TSACC: variants seen among roughly 807,000 people sequenced by gnomAD.
TSACC encodes TSSK6 activating cochaperone.
A neutral mutation model predicts 6.9 loss-of-function variants in TSACC; 3 were observed. The ratio of observed to expected loss-of-function variants is 0.43; its 90% confidence interval spans 0.20 to 1.12. The LOEUF (loss-of-function observed/expected upper bound fraction) is 1.12, where lower values mean the gene tolerates loss of function less well. Ranked by LOEUF, TSACC falls within the 50% of genes most tolerant of loss-of-function variation. TSACC has a pLI of 0.28. For missense variants in TSACC, 137 were observed against 143.9 expected (o/e 0.95, Z 0.24); for synonymous variants, 54 against 55.1 (o/e 0.98, Z 0.09).
intron 2 of TSACC, 123 bp downstream of exon 2, chr1:156,339,914 T>C: frequency 1.1e-6 from 1 of 948,682 alleles, no homozygotes; most frequent in East Asian, 2.6e-5. Context: ...TAGTAGATGC[T>C]CAGTAATTAT....
chr1:156,338,450 C>T (rs1163923403), upstream of TSACC: 3 of 561,706 alleles, frequency 5.3e-6, no homozygotes, highest in Admixed American at 3.1e-5. Flanking sequence ...TGGGAGGGCA[C>T]AGGCGCTTGC....
chr1:156,343,307 G>A (rs978533662), intron 2 of TSACC, among the ~76,000 whole-genome samples: 3 of 152,142 alleles, frequency 2.0e-5, no homozygotes, highest in African/African-American at 7.2e-5. Context: ...TGCTGAAATA[G>A]CTCACAGAAT....
chr1:156,344,531 A>C, intron 2 of TSACC, 49 bp from the exon 3 acceptor site: 2 of 1,596,512 alleles, frequency 1.3e-6, no homozygotes, highest in Non-Finnish European at 1.7e-6. Context: ...CTAATTAGAA[A>C]GGCTGTCCCT....
At position 156,339,665 on chromosome 1, in the gene TSACC, C is replaced by G; in HGVS notation, c.-93C>G. ...ACAGGCTGAGATCTGCTGGAGACAA[C>G]TTAGGAAATTATCATAGTGAAAATA... On this transcript the variant is annotated 5_prime_UTR_variant, in exon 2 of 4. Coordinates refer to ENST00000368254, the MANE Select transcript of TSACC (RefSeq NM_001304817.2). The G allele has an allele frequency of 6.5e-7, 1 of 1,542,740 alleles. No individual in the cohort carries two copies. Among genetic ancestry groups the G allele is most frequent in the Non-Finnish European group, 8.9e-7 (1 of 1,121,814 alleles).
chr1:156,341,342 TTATC>T (rs1227357241), intron 2 of TSACC, among the ~76,000 whole-genome samples: 2 of 152,204 alleles, frequency 1.3e-5, no homozygotes, highest in South Asian at 2.1e-4. Context: ...GCTACCTACT[TTATC>T]TACATTCCTC....
At chr1:156,338,314 G>T (rs114297274), upstream of TSACC, 2 of 863,082 alleles carry the variant, frequency 2.3e-6, no homozygotes, top group African/African-American at 3.4e-5. Context: ...CTACTCTCAA[G>T]GTAGTCGCCA....
intron 1 of TSACC, 72 bp downstream of exon 1, chr1:156,338,677 T>G (rs1665595488): frequency 6.1e-6 from 1 of 164,034 alleles, no homozygotes; most frequent in Non-Finnish European, 1.3e-5. Context: ...GCTTCACAGT[T>G]CCCACTCTTT....
chr1:156,341,040 C>T (rs552822446), intron 2 of TSACC, among the ~76,000 whole-genome samples: 1 of 152,260 alleles, frequency 6.6e-6, no homozygotes, highest in South Asian at 2.1e-4. Context: ...AGGTCTTGAA[C>T]TCCTGGCCTC....
intron 3 of TSACC, among the ~76,000 whole-genome samples, chr1:156,345,864 T>TA (rs111356545): frequency 7.0e-6 from 1 of 141,886 alleles, no homozygotes; most frequent in African/African-American, 2.7e-5. Flanking sequence ...AAGGCTCCAT[T>TA]GAAAAAAAAA....
intron 2 of TSACC, among the ~76,000 whole-genome samples, 158 bp downstream of exon 2, chr1:156,339,949 C>T (rs1225999446): frequency 1.3e-5 from 2 of 152,156 alleles, no homozygotes; most frequent in Admixed American, 6.5e-5. Context: ...TATTATTCTT[C>T]CTTTGTATCT....
chr1:156,337,630 G>A (rs1037912546), upstream of TSACC: 3 of 166,658 alleles, frequency 1.8e-5, no homozygotes, highest in African/African-American at 2.4e-5. Flanking sequence ...AGTGACCAAG[G>A]ATATTACCTA....
rs1665581273 is a variant in TSACC at position 156,338,557 on chromosome 1, C to T, written c.-173C>T. 2.6e-6 allele frequency: 1 copy of T among 386,506 alleles called. No individual in the cohort carries two copies. Among genetic ancestry groups the T allele is most frequent in the Non-Finnish European group, 4.8e-6 (1 of 208,336 alleles). 23.9% of individuals were successfully genotyped at this position (386,506 alleles called of 1,614,324 possible). Reference sequence around the variant, plus strand: ...CCAGCACACCACTACGCATGTGTGTCAACTCTAGGGTTGGGTGCTGGGGTT... The same window carrying T: ...CCAGCACACCACTACGCATGTGTGTTAACTCTAGGGTTGGGTGCTGGGGTT... On this transcript the variant is annotated 5_prime_UTR_variant, in exon 1 of 4. Transcript: ENST00000368254.
In TSACC at chr1:156,346,917, A is replaced by G; in HGVS notation, c.313A>G (p.Asn105Asp). Residue 105 changes from asparagine to aspartate, a missense_variant, in exon 4 of 4, where the codon AAC (asparagine) becomes GAC (aspartate). Coordinates refer to ENST00000368254, the MANE Select transcript of TSACC (RefSeq NM_001304817.2). ...TQLAPGRGSN[N>D]SSLPALSPNP... ...ACTGGCTCCTGGGAGGGGAAGCAAT[A>G]ACTCTTCTCTCCCAGCCTTATCTCC... is the stretch of plus-strand genomic sequence containing the variant. 6.2e-7 allele frequency: 1 copy of G among 1,614,162 alleles called. No individual in the cohort carries two copies. Among genetic ancestry groups the G allele is most frequent in the African/African-American group, 1.3e-5 (1 of 75,044 alleles).
At chr1:156,338,752 C>T (rs1665605881) in intron 1 of TSACC, 147 bp downstream of exon 1, 1 of 154,662 alleles carries the variant, frequency 6.5e-6, no homozygotes, top group Admixed American at 6.5e-5. Context: ...GGGGGAAAGA[C>T]CTGCCGGCTT....
chr1:156,338,495 C>A (rs974282371), upstream of TSACC: 2 of 517,286 alleles, frequency 3.9e-6, no homozygotes, highest in Non-Finnish European at 7.0e-6. Context: ...GCGTGCAGCG[C>A]GAACGTCGGC....
At position 156,340,516 on chromosome 1, in the gene TSACC, C is replaced by T. The variant is rs182435932; in HGVS notation, c.34+725C>T. Among the ~76,000 whole-genome samples, 71 of 131,796 alleles carry T rather than the reference C, an allele frequency of 5.4e-4. No homozygotes were observed. In the Middle Eastern group the frequency reaches 0.036, roughly 67 times the overall value. 86.5% of individuals were successfully genotyped at this position (131,796 alleles called of 152,430 possible). On this transcript the variant is annotated intron_variant, in intron 2 of 3. Transcript: ENST00000368254. ...TGCTCTTGTTGCCTAGGCTGGAGTG[C>T]AGTGGCACTACCTTGGCTCACCGCA...
rs72710226 is a variant in TSACC at position 156,344,558 on chromosome 1, G to A, written c.35-22G>A. The A allele has an allele frequency of 2.1e-3, 3,334 of 1,611,940 alleles. 7 individuals carry two copies. Among genetic ancestry groups the A allele is most frequent in the Non-Finnish European group, 2.3e-3 (2,765 of 1,179,284 alleles). On this transcript the variant is annotated intron_variant, in intron 2 of 3. Transcript: ENST00000368254. ...GCTGTCCCTTGTTGGAATGAGCTCT[G>A]ATTTAGTTATCTCTGATTTAGTTCC...
At chr1:156,341,374 G>T (rs12117903) in intron 2 of TSACC, among the ~76,000 whole-genome samples, 36,761 of 152,040 alleles carry the variant, frequency 0.24, 4,927 homozygotes, top group Non-Finnish European at 0.29. Flanking sequence ...GTTCCCCAGT[G>T]CCACAAGACT....
chr1:156,346,904 G>A lies in TSACC; in HGVS notation c.300G>A (p.Gly100=), dbSNP rs1261041878. The change falls in exon 4 of 4, where the codon GGG becomes GGA. Residue 100 remains glycine, a synonymous_variant. Transcript: ENST00000368254. ...CATCTGTGACACAACTGGCTCCTGG[G>A]AGGGGAAGCAATAACTCTTCTCTCC... is the stretch of plus-strand genomic sequence containing the variant. ...LQASVTQLAP[G]RGSNNSSLPA... is the part of the protein sequence containing the mutation. 23 of 1,614,044 alleles carry A rather than the reference G, an allele frequency of 1.4e-5. No homozygotes were observed. The highest frequency in any genetic ancestry group is 1.9e-5 in the Non-Finnish European group (22 of 1,180,030).
Sources: gnomAD v4.1 joint callset for allele counts (sites outside exome capture counted in the v4.1 genomes callset) on GRCh38, gnomAD v4.1.1 for gene constraint, MANE v1.5 for transcripts, NCBI Gene and HGNC (gene_info 2026-07-23, HGNC 2026-07-21) for gene names.